Variants in SGCZ observed in about 807,000 individuals in gnomAD.
SGCZ encodes the protein sarcoglycan zeta.
In SGCZ, 40 loss-of-function variants were observed where a neutral mutation model predicts 41.3. The ratio of observed to expected loss-of-function variants is 0.97; its 90% CI spans 0.75 to 1.26. The LOEUF (loss-of-function observed/expected upper bound fraction) is 1.26. SGCZ is among the 50% of genes most tolerant of loss of function. The pLI, the probability that SGCZ is intolerant of heterozygous loss-of-function variation, is 0.00. For missense variants in SGCZ, 552 were observed against 369.8 expected (o/e 1.49, Z -4.04); for synonymous variants, 206 against 137.5 (o/e 1.50, Z -3.49).
chr8:14,399,574 G>C (rs912373045), intron 2 of SGCZ, among the ~76,000 whole-genome samples: 5 of 152,062 alleles, frequency 3.3e-5, no homozygotes, highest in African/African-American at 1.2e-4. Context: ...TTTTCCTTTA[G>C]ACAGACATTC....
At chr8:14,823,075 A>G (rs1802169293) in intron 1 of SGCZ, among the ~76,000 whole-genome samples, 1 of 150,712 alleles carries the variant, frequency 6.6e-6, no homozygotes, top group Admixed American at 6.6e-5. Context: ...AAAAAAAAAA[A>G]AAGACTTCTG....
At chr8:14,427,405 T>C (rs1799817538) in intron 2 of SGCZ, among the ~76,000 whole-genome samples, 1 of 152,124 alleles carries the variant, frequency 6.6e-6, no homozygotes, top group South Asian at 2.1e-4. Context: ...GGCATTTTGT[T>C]TGGACCATGT....
Position 15,015,726 on chromosome 8 carries a change from CGTGTGTGTGTGTGTGT to C in SGCZ, c.39+221843_39+221858del, listed in dbSNP as rs60624490. Reference sequence around the variant, plus strand: ...AAAGAAAAGAAAAAAGAAATATACACGTGTGTGTGTGTGTGTGTGTGTGTGTGTGTGTGTGTGTGTG... The same window carrying C: ...AAAGAAAAGAAAAAAGAAATATACACGTGTGTGTGTGTGTGTGTGTGTGTG... On this transcript the variant is annotated intron_variant, in intron 1 of 7. Coordinates refer to ENST00000382080, the MANE Select transcript of SGCZ (RefSeq NM_139167.4). Among the ~76,000 whole-genome samples, 31 of 125,174 alleles carry C rather than the reference CGTGTGTGTGTGTGTGT, an allele frequency of 2.5e-4. No individual in the cohort carries two copies. In the South Asian group the frequency reaches 3.9e-3, roughly 16 times the overall value. The allele number at this position is 125,174 out of a possible 152,430, so 82.1% of individuals were successfully genotyped here.
At chr8:14,526,767 G>A (rs17119650) in intron 2 of SGCZ, among the ~76,000 whole-genome samples, 4 of 151,936 alleles carry the variant, frequency 2.6e-5, no homozygotes, top group Admixed American at 6.6e-5. Context: ...TTCTTCTGCA[G>A]AGGTTTATGT....
chr8:15,117,515 G>A (rs1011971208), intron 1 of SGCZ, among the ~76,000 whole-genome samples: 2 of 152,102 alleles, frequency 1.3e-5, no homozygotes, highest in African/African-American at 4.8e-5. Flanking sequence ...GAGATTTCAA[G>A]CCTTATGTCT....
intron 1 of SGCZ, among the ~76,000 whole-genome samples, chr8:14,684,693 T>TTG (rs1808554570): frequency 6.6e-6 from 1 of 151,412 alleles, no homozygotes; most frequent in Non-Finnish European, 1.5e-5. Context: ...TTGTTTTTCC[T>TTG]TTTTTTGTTT....
chr8:14,460,066 G>A (rs1800858691), intron 2 of SGCZ, among the ~76,000 whole-genome samples: 1 of 152,112 alleles, frequency 6.6e-6, no homozygotes, highest in Non-Finnish European at 1.5e-5. Context: ...TTGGTCAACA[G>A]CATAGTACCT....
chr8:14,862,535 G>GATAT (rs59769861), intron 1 of SGCZ, among the ~76,000 whole-genome samples: 76 of 61,568 alleles, frequency 1.2e-3, no homozygotes, highest in South Asian at 2.4e-3. Context: ...GCATCTTTAA[G>GATAT]ATATATATAT....
At chr8:15,054,977 AT>A (rs916937096) in intron 1 of SGCZ, among the ~76,000 whole-genome samples, 10 of 143,746 alleles carry the variant, frequency 7.0e-5, no homozygotes, top group African/African-American at 2.0e-4. Flanking sequence ...AAAAAAAAAA[AT>A]AAGACTCCAT....
chr8:14,998,484 C>G lies in SGCZ; in HGVS notation c.39+239101G>C, dbSNP rs181337212. On this transcript the variant is annotated intron_variant, in intron 1 of 7. Coordinates refer to ENST00000382080, the MANE Select transcript of SGCZ (RefSeq NM_139167.4). ...TAGATAGCCTGGCATCACTAATTAC[C>G]TATATGCAGTGCATTTCAATTAAAT... Among the ~76,000 whole-genome samples, 348 of 152,206 alleles carry G rather than the reference C, an allele frequency of 2.3e-3. 1 individual carries two copies. The highest frequency in any genetic ancestry group is 3.8e-3 in the Non-Finnish European group (256 of 68,014).
intron 1 of SGCZ, among the ~76,000 whole-genome samples, chr8:14,901,907 T>C (rs1798983739): frequency 6.6e-6 from 1 of 152,090 alleles, no homozygotes. Context: ...ACATGAGAAA[T>C]TGATTCTTGT....
intron 1 of SGCZ, among the ~76,000 whole-genome samples, chr8:15,038,832 A>G (rs6998741): frequency 0.57 from 80,113 of 139,954 alleles, 23,195 homozygotes; most frequent in Non-Finnish European, 0.64. Context: ...AAAAAAAAAA[A>G]AAAAAAAGAA....
intron 1 of SGCZ, among the ~76,000 whole-genome samples, chr8:15,215,854 A>G (rs1182622012): frequency 6.6e-6 from 1 of 152,230 alleles, no homozygotes; most frequent in Non-Finnish European, 1.5e-5. Context: ...GCCTGTATGC[A>G]AACAAAGATA....
chr8:15,009,939 G>C (rs1407769410), intron 1 of SGCZ, among the ~76,000 whole-genome samples: 1 of 152,042 alleles, frequency 6.6e-6, no homozygotes, highest in Non-Finnish European at 1.5e-5. Flanking sequence ...CTATCTTTCT[G>C]TAACTCAAGC....
intron 1 of SGCZ, among the ~76,000 whole-genome samples, chr8:14,580,815 A>C (rs1477949668): frequency 6.6e-6 from 1 of 152,206 alleles, no homozygotes; most frequent in African/African-American, 2.4e-5. Context: ...AAATTGCAGT[A>C]GTGGCCTGGA....
At chr8:14,630,242 T>A (rs1451306467) in intron 1 of SGCZ, among the ~76,000 whole-genome samples, 2 of 152,060 alleles carry the variant, frequency 1.3e-5, no homozygotes, top group East Asian at 3.9e-4. Context: ...TTTGATTTTT[T>A]TTTTTTGGTT....
At chr8:14,593,845 G>C (rs548435773) in intron 1 of SGCZ, among the ~76,000 whole-genome samples, 3 of 152,140 alleles carry the variant, frequency 2.0e-5, no homozygotes, top group African/African-American at 7.2e-5. Context: ...TTCAGACTTG[G>C]GTGTGTATCA....
chr8:14,188,829 TTTTTG>T (rs1384499472), intron 4 of SGCZ, among the ~76,000 whole-genome samples: 2 of 54,734 alleles, frequency 3.7e-5, no homozygotes, highest in African/African-American at 1.8e-4. Context: ...TCTTTGTTTT[TTTTTG>T]TTTGTTTGTT....
chr8:15,223,888 A>ATT (rs1491423421), intron 1 of SGCZ, among the ~76,000 whole-genome samples: 2 of 152,150 alleles, frequency 1.3e-5, no homozygotes, highest in African/African-American at 2.4e-5. Flanking sequence ...TTATTGAGAC[A>ATT]GAGTCTCACT....
Sources: allele counts gnomAD v4.1 joint callset (sites outside exome capture counted in the v4.1 genomes callset), GRCh38; gene constraint gnomAD v4.1.1; transcripts MANE v1.5; gene names NCBI Gene and HGNC (gene_info 2026-07-23, HGNC 2026-07-21).